The following SIM1 variants were observed in gnomAD, a reference collection of about 807,000 sequenced individuals.
SIM1 encodes single-minded homolog 1.
In SIM1, 18 loss-of-function variants were observed where a neutral mutation model predicts 78.2. That is an observed-to-expected ratio of 0.23 (90% CI 0.16 to 0.34). The LOEUF (loss-of-function observed/expected upper bound fraction) is 0.34. Among genes scored for constraint, SIM1 ranks in the 10% least tolerant of loss-of-function variants. SIM1 has a pLI of 1.00. For synonymous variants in SIM1, 417 were observed against 385.2 expected, an observed-to-expected ratio of 1.08 and a Z score of -0.97; for missense variants, 939 against 975.1, an observed-to-expected ratio of 0.96 and a Z score of 0.49.
Position 100,393,552 on chromosome 6 carries a change from G to C in SIM1, c.1505C>G (p.Ser502Cys), listed in dbSNP as rs1770692815. 6.2e-7 allele frequency: 1 copy of C among 1,605,206 alleles called. No homozygotes were observed. The highest frequency in any genetic ancestry group is 8.5e-7 in the Non-Finnish European group (1 of 1,173,524). The change falls in exon 11 of 12, where the codon TCC becomes TGC. Residue 502 changes from serine to cysteine, a missense_variant. Transcript: ENST00000369208. ...SRAALPLTKA[S>C]PESREAYENS... ...TTCATAGGCTTCTCTGCTTTCTGGG[G>C]AGGCCTTTGTCAGGGGCAAGGCTGC... is the stretch of plus-strand genomic sequence containing the variant.
In SIM1 at chr6:100,463,547, G is replaced by T. The variant is rs964180438; in HGVS notation, c.-79C>A. The T allele has an allele frequency of 2.9e-6, 4 of 1,364,134 alleles. No homozygotes were observed. In the African/African-American group the frequency reaches 4.4e-5, roughly 15 times the overall value. The allele number at this position is 1,364,134 out of a possible 1,614,324, so 84.5% of individuals were successfully genotyped here. A position where few individuals can be genotyped will look rare whatever the true frequency, so the allele number is the denominator to read the frequency against. ...AACCAAAAATAAACTTTCAATTAGA[G>T]ATCATATTTGGCAAAAACATAAAAC... On this transcript the variant is annotated 5_prime_UTR_variant, in exon 2 of 12. Transcript: ENST00000369208.
intron 10 of SIM1, among the ~76,000 whole-genome samples, chr6:100,395,381 T>C (rs1258239551): frequency 6.6e-6 from 1 of 152,178 alleles, no homozygotes; most frequent in Non-Finnish European, 1.5e-5. Context: ...TACTACAAGT[T>C]TTAATAAGAT....
intron 9 of SIM1, among the ~76,000 whole-genome samples, chr6:100,426,209 A>G (rs1392289201): frequency 1.3e-5 from 2 of 152,206 alleles, no homozygotes; most frequent in African/African-American, 2.4e-5. Context: ...GAAATTTGCA[A>G]TCACTAGGAA....
intron 9 of SIM1, among the ~76,000 whole-genome samples, chr6:100,446,138 A>AT (rs1189064220): frequency 6.6e-6 from 1 of 152,320 alleles, no homozygotes; most frequent in African/African-American, 2.4e-5. Context: ...ATTGAATTAA[A>AT]TTTTTTTATT....
intron 2 of SIM1, 151 bp from the exon 3 acceptor site, chr6:100,453,995 G>T: frequency 1.9e-6 from 1 of 523,892 alleles, no homozygotes; most frequent in Non-Finnish European, 3.4e-6. Flanking sequence ...GGGGATGGGA[G>T]CGTGTACATT....
intron 9 of SIM1, among the ~76,000 whole-genome samples, chr6:100,436,023 C>G (rs937423763): frequency 1.1e-4 from 16 of 152,046 alleles, no homozygotes; most frequent in African/African-American, 3.6e-4. Context: ...CACACACACA[C>G]CCCTCCCAAG....
intron 2 of SIM1, among the ~76,000 whole-genome samples, chr6:100,460,862 G>C (rs9485075): frequency 0.078 from 11,936 of 152,140 alleles, 1,551 homozygotes; most frequent in African/African-American, 0.27. Flanking sequence ...TTGGGTTTTT[G>C]AAGCTTGTCC....
At chr6:100,404,745 A>G (rs948447255) in intron 10 of SIM1, among the ~76,000 whole-genome samples, 2 of 152,182 alleles carry the variant, frequency 1.3e-5, no homozygotes, top group African/African-American at 4.8e-5. Flanking sequence ...CACACATTGG[A>G]AATTGCCAGG....
intron 10 of SIM1, among the ~76,000 whole-genome samples, chr6:100,407,576 G>A (rs903297388): frequency 6.6e-6 from 1 of 151,878 alleles, no homozygotes; most frequent in East Asian, 1.9e-4. Flanking sequence ...TAACTGCCTG[G>A]GTTTCCCTTT....
chr6:100,403,733 T>G (rs1770985441), intron 10 of SIM1, among the ~76,000 whole-genome samples: 1 of 152,242 alleles, frequency 6.6e-6, no homozygotes. Context: ...CTATATGATT[T>G]GCTTATGCTA....
intron 9 of SIM1, among the ~76,000 whole-genome samples, chr6:100,430,104 T>C (rs565840363): frequency 1.1e-3 from 166 of 152,344 alleles, no homozygotes; most frequent in African/African-American, 3.9e-3. Context: ...GTCATGTAGT[T>C]TCTTAAAACA....
rs181140681 is a variant in SIM1, at chr6:100,457,291, C to T, written c.176-3447G>A. 5.3e-5 allele frequency among the ~76,000 whole-genome samples: 8 copies of T among 152,220 alleles called. No individual in the cohort carries two copies. The South Asian group carries it at 6.2e-4, about 12-fold the overall frequency. ...TCCTCCTTGCAGTCCTTCCCGGGAA[C>T]CTTCACCTCCCCAACTAATTGAGGT... On this transcript the variant is annotated intron_variant, in intron 2 of 11. Coordinates refer to ENST00000369208, the MANE Select transcript of SIM1 (RefSeq NM_005068.3).
chr6:100,439,110 T>A (rs1031008594), intron 9 of SIM1, among the ~76,000 whole-genome samples: 1 of 151,746 alleles, frequency 6.6e-6, no homozygotes, highest in Admixed American at 6.6e-5. Flanking sequence ...TATTGAAATT[T>A]AAAAAAAAGA....
intron 9 of SIM1, among the ~76,000 whole-genome samples, chr6:100,437,694 T>C (rs1772092825): frequency 6.6e-6 from 1 of 152,174 alleles, no homozygotes; most frequent in South Asian, 2.1e-4. Flanking sequence ...GCTCCATAAA[T>C]GCTGACGTTT....
chr6:100,399,261 C>T (rs1381302718), intron 10 of SIM1, among the ~76,000 whole-genome samples: 1 of 151,950 alleles, frequency 6.6e-6, no homozygotes, highest in South Asian at 2.1e-4. Flanking sequence ...CAATATTACT[C>T]AACAATAAAA....
intron 10 of SIM1, among the ~76,000 whole-genome samples, chr6:100,413,812 C>A (rs1489681797): frequency 6.6e-6 from 1 of 152,156 alleles, no homozygotes; most frequent in South Asian, 2.1e-4. Context: ...CAAATAAGTT[C>A]TCTATAATGG....
chr6:100,392,662 T>C (rs1562230617), intron 11 of SIM1, among the ~76,000 whole-genome samples: 1 of 152,218 alleles, frequency 6.6e-6, no homozygotes, highest in African/African-American at 2.4e-5. Context: ...CAATATTGTC[T>C]AGCACATGTC....
At chr6:100,396,443 T>C (rs570801698) in intron 10 of SIM1, among the ~76,000 whole-genome samples, 1 of 151,996 alleles carries the variant, frequency 6.6e-6, no homozygotes, top group East Asian at 1.9e-4. Context: ...ACAATGAAAA[T>C]TCAACAAGAG....
intron 9 of SIM1, among the ~76,000 whole-genome samples, chr6:100,424,836 A>C (rs1771684547): frequency 6.6e-6 from 1 of 152,134 alleles, no homozygotes. Context: ...ATCATATCCT[A>C]CCTTCCAAAC....
Sources: allele counts gnomAD v4.1 joint callset (sites outside exome capture counted in the v4.1 genomes callset), GRCh38; gene constraint gnomAD v4.1.1; transcripts MANE v1.5; gene names NCBI Gene and HGNC (gene_info 2026-07-23, HGNC 2026-07-21).